Variants in ATP9A observed in about 807,000 individuals in gnomAD.
The protein encoded by ATP9A is probable phospholipid-transporting ATPase IIA.
In ATP9A, 52 loss-of-function variants were observed where a neutral mutation model predicts 144.1. The observed-to-expected ratio is 0.36, with a 90% CI of 0.29 to 0.45. The LOEUF (loss-of-function observed/expected upper bound fraction) is 0.45. Among genes scored for constraint, ATP9A ranks in the 20% least tolerant of loss-of-function variants. The probability of loss-of-function intolerance (pLI) is 1.00; values close to 1 mark genes in which losing one functional copy is unlikely to be tolerated. For synonymous variants in ATP9A, 582 were observed against 557.4 expected, an observed-to-expected ratio of 1.04 and a Z score of -0.62; for missense variants, 947 against 1,392.7, an observed-to-expected ratio of 0.68 and a Z score of 5.09.
At chr20:51,650,252 T>C (rs8121169) in intron 14 of ATP9A, among the ~76,000 whole-genome samples, 5 of 152,162 alleles carry the variant, frequency 3.3e-5, no homozygotes, top group Non-Finnish European at 5.9e-5. Context: ...AATACTTTAA[T>C]AGGCTGGGTG....
At chr20:51,621,691 T>C (rs1473615654) in intron 19 of ATP9A, among the ~76,000 whole-genome samples, 1 of 152,162 alleles carries the variant, frequency 6.6e-6, no homozygotes, top group African/African-American at 2.4e-5. Context: ...ATTTCTTTCT[T>C]ATCCAAGGAC....
rs547623523 is a variant in ATP9A at position 51,642,881 on chromosome 20, T to C, written c.1507-3377A>G. ...TTTCTTTCTCTGGAACCCCTGGATG[T>C]CATCTTAGCTGACCTGCTATACCCC... is the stretch of plus-strand genomic sequence containing the variant. On this transcript the variant is annotated intron_variant, in intron 14 of 27. Transcript: ENST00000338821. 3.3e-5 allele frequency among the ~76,000 whole-genome samples: 5 copies of C among 151,914 alleles called. No individual in the cohort carries two copies. In the South Asian group the frequency reaches 8.3e-4, roughly 25 times the overall value.
chr20:51,664,223 T>C (rs563796673), intron 13 of ATP9A, among the ~76,000 whole-genome samples: 7 of 152,142 alleles, frequency 4.6e-5, no homozygotes, highest in Non-Finnish European at 1.0e-4. Flanking sequence ...TATTGATCTT[T>C]GTATAAATAT....
intron 1 of ATP9A, among the ~76,000 whole-genome samples, chr20:51,732,767 T>C: frequency 6.6e-6 from 1 of 151,762 alleles, no homozygotes; most frequent in Non-Finnish European, 1.5e-5. Flanking sequence ...CAGTGGACAC[T>C]CACTGAATAC....
intron 26 of ATP9A, among the ~76,000 whole-genome samples, chr20:51,606,705 T>G (rs942492869): frequency 6.6e-6 from 1 of 152,050 alleles, no homozygotes; most frequent in Non-Finnish European, 1.5e-5. Flanking sequence ...TCACAGTCCA[T>G]TGGGAAGAAA....
At chr20:51,682,011 G>A (rs1010851340) in intron 9 of ATP9A, among the ~76,000 whole-genome samples, 2 of 152,020 alleles carry the variant, frequency 1.3e-5, no homozygotes, top group Admixed American at 1.3e-4. Context: ...GAGCTTCTTC[G>A]GGGGTGGACG....
intron 1 of ATP9A, among the ~76,000 whole-genome samples, chr20:51,732,829 G>T (rs1021252334): frequency 6.6e-6 from 1 of 151,980 alleles, no homozygotes; most frequent in African/African-American, 2.4e-5. Flanking sequence ...AAAAGGATGG[G>T]AGAAAAAGGG....
At chr20:51,615,090 G>A (rs1274675417) in intron 22 of ATP9A, among the ~76,000 whole-genome samples, 1 of 145,420 alleles carries the variant, frequency 6.9e-6, no homozygotes, top group African/African-American at 2.6e-5. Context: ...GGGGTGCCTG[G>A]GGGGGCGGGG....
intron 4 of ATP9A, among the ~76,000 whole-genome samples, chr20:51,703,669 CA>C (rs938382241): frequency 6.6e-6 from 1 of 152,148 alleles, no homozygotes; most frequent in African/African-American, 2.4e-5. Context: ...GTCTACATTG[CA>C]GGGAGAAACC....
intron 15 of ATP9A, among the ~76,000 whole-genome samples, chr20:51,636,668 G>A (rs890935938): frequency 1.3e-5 from 2 of 152,134 alleles, no homozygotes; most frequent in Non-Finnish European, 2.9e-5. Context: ...CTCAATTCCA[G>A]CTGTGTGAAC....
chr20:51,733,106 A>G lies in ATP9A; in HGVS notation c.69-3128T>C, dbSNP rs144418426. ...TTTTAGCAGAAGTTTCCAGACATCA[A>G]GCTATCCGGTTACAGTTATGCTATT... On this transcript the variant is annotated intron_variant, in intron 1 of 27. Coordinates refer to ENST00000338821, the MANE Select transcript of ATP9A (RefSeq NM_006045.3). Among the ~76,000 whole-genome samples, 1,102 of 152,314 alleles carry G rather than the reference A, an allele frequency of 7.2e-3. 5 individuals carry two copies. The highest frequency in any genetic ancestry group is 9.0e-3 in the Admixed American group (138 of 15,282).
rs6512744 is a variant in ATP9A, at chr20:51,689,056, C to T, written c.799+8G>A. 0.058 allele frequency: 93,006 copies of T among 1,612,820 alleles called. 3,825 individuals are homozygous for T. Among genetic ancestry groups the T allele is most frequent in the African/African-American group, 0.21 (15,563 of 74,870 alleles). The stretch of plus-strand genomic sequence containing the variant: ...ATTGCTACCACATTCCTCAAAACGG[C>T]GCCTCACCTGATGCGACCACAGTGC... On this transcript the variant is annotated splice_region_variant and intron_variant, in intron 9 of 27. Coordinates refer to ENST00000338821, the MANE Select transcript of ATP9A (RefSeq NM_006045.3).
intron 10 of ATP9A, among the ~76,000 whole-genome samples, chr20:51,674,627 C>T (rs560453977): frequency 6.6e-6 from 1 of 152,244 alleles, no homozygotes; most frequent in East Asian, 1.9e-4. Flanking sequence ...AATGTATCAG[C>T]GAGTTACTGC....
chr20:51,767,795 T>C (rs1224681966), intron 1 of ATP9A, among the ~76,000 whole-genome samples: 1 of 152,104 alleles, frequency 6.6e-6, no homozygotes, highest in African/African-American at 2.4e-5. Flanking sequence ...CGGCGCAGCC[T>C]CCTGGGGCTG....
chr20:51,690,077 A>C (rs1296090894), intron 8 of ATP9A, among the ~76,000 whole-genome samples: 1 of 131,020 alleles, frequency 7.6e-6, no homozygotes. Context: ...GCGCCACTGC[A>C]CTCCAGCCTA....
intron 1 of ATP9A, among the ~76,000 whole-genome samples, chr20:51,750,102 C>T (rs562533930): frequency 6.6e-6 from 1 of 152,086 alleles, no homozygotes; most frequent in Non-Finnish European, 1.5e-5. Flanking sequence ...TTGCGGTGAG[C>T]CGAGATCGCA....
chr20:51,672,631 A>C (rs1407632645), intron 11 of ATP9A, among the ~76,000 whole-genome samples: 1 of 152,252 alleles, frequency 6.6e-6, no homozygotes, highest in East Asian at 1.9e-4. Flanking sequence ...ATTCTCACCA[A>C]GATGATCTAA....
At chr20:51,739,014 G>A (rs2077773966) in intron 1 of ATP9A, among the ~76,000 whole-genome samples, 2 of 152,026 alleles carry the variant, frequency 1.3e-5, no homozygotes, top group South Asian at 4.2e-4. Flanking sequence ...GCTTGAACCT[G>A]GGAGGCGGAG....
rs2077137894 is a variant in ATP9A at position 51,600,550 on chromosome 20, TGGACTTA to T, written c.*654_*660del. The T allele has an allele frequency of 6.6e-6, 1 of 152,166 alleles. No homozygotes were observed. 9.4% of individuals were successfully genotyped at this position (152,166 alleles called of 1,614,324 possible). A position where few individuals can be genotyped will look rare whatever the true frequency, so the allele number is the denominator to read the frequency against. On this transcript the variant is annotated 3_prime_UTR_variant, in exon 28 of 28. Coordinates refer to ENST00000338821, the MANE Select transcript of ATP9A (RefSeq NM_006045.3). The stretch of plus-strand genomic sequence containing the variant: ...CTGAATCAGATCAAGGATAACAGAT[TGGACTTA>T]GGACACTCTCTCTCCCTCTCCTCTC...
Sources: gnomAD v4.1 joint callset for allele counts (sites outside exome capture counted in the v4.1 genomes callset) on GRCh38, gnomAD v4.1.1 for gene constraint, MANE v1.5 for transcripts, NCBI Gene and HGNC (gene_info 2026-07-23, HGNC 2026-07-21) for gene names.